Variants in SLC30A8 observed in about 807,000 individuals in gnomAD.
The protein encoded by SLC30A8 is solute carrier family 30 member 8.
In SLC30A8, 27 loss-of-function variants were observed where a neutral mutation model predicts 36.9. The ratio of observed to expected loss-of-function variants is 0.73; its 90% CI spans 0.54 to 1.01. The LOEUF (loss-of-function observed/expected upper bound fraction) is 1.01. Ranked by LOEUF, SLC30A8 falls within the 50% of genes least tolerant of loss-of-function variation. SLC30A8 has a pLI of 0.00. For missense variants in SLC30A8, 439 were observed against 452.0 expected (o/e 0.97, Z 0.26); for synonymous variants, 164 against 172.4 (o/e 0.95, Z 0.38).
intron 2 of SLC30A8, chr8:117,128,659 AG>A (rs1821012274): frequency 6.6e-6 from 1 of 152,070 alleles, no homozygotes; most frequent in Non-Finnish European, 1.5e-5. Flanking sequence ...AAATGTTAAA[AG>A]TTTTATTTAG....
chr8:117,156,364 T>A (rs1175864722), intron 3 of SLC30A8, among the ~76,000 whole-genome samples: 1 of 152,190 alleles, frequency 6.6e-6, no homozygotes, highest in East Asian at 1.9e-4. Context: ...CTTTAACATA[T>A]AAATTTGGGG....
At chr8:117,045,963 A>G (rs11781067) in intron 2 of SLC30A8, among the ~76,000 whole-genome samples, 52,509 of 150,312 alleles carry the variant, frequency 0.35, 12,139 homozygotes, top group African/African-American at 0.67. Flanking sequence ...TTTTTTTAAA[A>G]CTGACAGAAG....
chr8:116,969,287 A>G (rs1814705594), intron 1 of SLC30A8, among the ~76,000 whole-genome samples: 1 of 152,062 alleles, frequency 6.6e-6, no homozygotes, highest in African/African-American at 2.4e-5. Context: ...GCGTAATGGT[A>G]CACGCCTATA....
intron 2 of SLC30A8, among the ~76,000 whole-genome samples, chr8:117,047,681 G>A (rs1217975688): frequency 6.6e-6 from 1 of 152,134 alleles, no homozygotes; most frequent in Non-Finnish European, 1.5e-5. Flanking sequence ...AGAGGCGTTT[G>A]AACCAGGGCA....
chr8:116,982,588 A>G (rs1457182740), intron 1 of SLC30A8, among the ~76,000 whole-genome samples: 2 of 152,190 alleles, frequency 1.3e-5, no homozygotes, highest in Non-Finnish European at 2.9e-5. Context: ...CCAGTTCAGC[A>G]TGGTGGGTGG....
At chr8:117,157,909 C>T (rs1456239682) in intron 4 of SLC30A8, 65 bp downstream of exon 4, 2 of 1,563,988 alleles carry the variant, frequency 1.3e-6, no homozygotes, top group Non-Finnish European at 1.7e-6. Flanking sequence ...TGGACAAAGT[C>T]GACCTTTTAA....
At chr8:117,053,547 C>G (rs1817776296) in intron 2 of SLC30A8, among the ~76,000 whole-genome samples, 2 of 152,122 alleles carry the variant, frequency 1.3e-5, no homozygotes, top group South Asian at 2.1e-4. Flanking sequence ...GAGCCCCAGC[C>G]CAGCTATTAT....
intron 2 of SLC30A8, among the ~76,000 whole-genome samples, chr8:117,106,944 A>G (rs1820020819): frequency 2.6e-5 from 4 of 152,306 alleles, no homozygotes; most frequent in Admixed American, 6.5e-5. Context: ...TTCTATCTGC[A>G]TAGCACTGAG....
At chr8:117,148,178 C>G (rs1383274430) in intron 2 of SLC30A8, among the ~76,000 whole-genome samples, 2 of 151,990 alleles carry the variant, frequency 1.3e-5, no homozygotes, top group African/African-American at 4.8e-5. Flanking sequence ...TATTTTAGTG[C>G]TTAACAATCC....
chr8:117,118,362 A>G (rs994810526), intron 2 of SLC30A8, among the ~76,000 whole-genome samples: 1 of 151,940 alleles, frequency 6.6e-6, no homozygotes, highest in Non-Finnish European at 1.5e-5. Flanking sequence ...GAGAGGTTAT[A>G]TGGTTATTTC....
chr8:117,031,763 C>G (rs1238731862), intron 1 of SLC30A8, among the ~76,000 whole-genome samples: 1 of 152,126 alleles, frequency 6.6e-6, no homozygotes, highest in Admixed American at 6.5e-5. Context: ...CGCACCCAGC[C>G]GAAATCTTCT....
intron 2 of SLC30A8, among the ~76,000 whole-genome samples, chr8:117,079,731 G>A (rs1818603598): frequency 6.6e-6 from 1 of 152,206 alleles, no homozygotes; most frequent in African/African-American, 2.4e-5. Context: ...CCTGCCTGAG[G>A]ATGGAGTGGG....
At chr8:117,026,312 C>T (rs536087254) in intron 1 of SLC30A8, among the ~76,000 whole-genome samples, 4 of 152,182 alleles carry the variant, frequency 2.6e-5, no homozygotes, top group East Asian at 3.9e-4. Context: ...AAGTCAAGAG[C>T]GCTCACACAG....
intron 1 of SLC30A8, among the ~76,000 whole-genome samples, chr8:117,036,460 T>C (rs546589206): frequency 2.2e-4 from 34 of 152,332 alleles, no homozygotes; most frequent in South Asian, 1.0e-3. Flanking sequence ...TGTTCTCATA[T>C]TGCTATAAAG....
intron 1 of SLC30A8, among the ~76,000 whole-genome samples, chr8:116,981,557 C>T (rs1200034793): frequency 6.6e-6 from 1 of 152,148 alleles, no homozygotes; most frequent in Non-Finnish European, 1.5e-5. Context: ...TTCGATCCTC[C>T]CATTCCTCCC....
rs186131950 is a variant in SLC30A8, at chr8:117,036,521, C to T, written c.-265-2698C>T. 5.9e-5 allele frequency among the ~76,000 whole-genome samples: 9 copies of T among 152,268 alleles called. No homozygotes were observed. The East Asian group carries it at 1.2e-3, about 20-fold the overall frequency. On this transcript the variant is annotated intron_variant, in intron 1 of 10. Transcript: ENST00000427715. ...AAAGAAAAGAGGTTTCATTGACTCA[C>T]GGTTCGACATGGCTGGGGAGGTCTT...
chr8:117,109,012 T>C (rs13269408), intron 2 of SLC30A8, among the ~76,000 whole-genome samples: 32,716 of 152,130 alleles, frequency 0.22, 3,689 homozygotes, highest in East Asian at 0.33. Context: ...GGGCTCTAAC[T>C]TTCCTTCTCC....
At chr8:117,108,957 C>T (rs1466275254) in intron 2 of SLC30A8, among the ~76,000 whole-genome samples, 1 of 152,166 alleles carries the variant, frequency 6.6e-6, no homozygotes, top group Non-Finnish European at 1.5e-5. Context: ...TTCCTTTGTG[C>T]TAGTTTTGCT....
intron 1 of SLC30A8, among the ~76,000 whole-genome samples, chr8:116,993,298 A>G (rs909851118): frequency 2.6e-5 from 4 of 152,086 alleles, no homozygotes; most frequent in Admixed American, 6.6e-5. Context: ...TAGGAAGTCC[A>G]CATTTTAGGA....
Sources: allele counts gnomAD v4.1 joint callset (sites outside exome capture counted in the v4.1 genomes callset), GRCh38; gene constraint gnomAD v4.1.1; transcripts MANE v1.5; gene names NCBI Gene and HGNC (gene_info 2026-07-23, HGNC 2026-07-21).